Variants in GALNT18 observed in about 807,000 individuals in gnomAD.
GALNT18 encodes the protein GalNAc-transferase 18.
GALNT18 carries 44 observed loss-of-function variants against 69.5 expected under a neutral mutation model. The ratio of observed to expected loss-of-function variants is 0.63; its 90% CI spans 0.50 to 0.81. GALNT18 has a LOEUF of 0.81. Ranked by LOEUF, GALNT18 falls within the 40% of genes least tolerant of loss-of-function variation. GALNT18 has a pLI of 0.00. For synonymous variants in GALNT18, 364 were observed against 318.2 expected (o/e 1.14, Z -1.53); for missense variants, 715 against 810.0 (o/e 0.88, Z 1.42).
At chr11:11,346,796 A>T (rs1252252111) in intron 6 of GALNT18, among the ~76,000 whole-genome samples, 3 of 152,196 alleles carry the variant, frequency 2.0e-5, no homozygotes. Flanking sequence ...TAGTACTGTT[A>T]TCGCTTCTGA....
chr11:11,379,105 G>T lies in GALNT18; in HGVS notation c.755C>A (p.Ala252Asp), dbSNP rs375573422. 8.7e-6 allele frequency: 14 copies of T among 1,607,876 alleles called. No individual in the cohort carries two copies. Among genetic ancestry groups the T allele is most frequent in the Non-Finnish European group, 1.2e-5 (14 of 1,179,308 alleles). Residue 252 changes from alanine (A) to aspartate (D), a missense_variant, in exon 4 of 11, where the codon GCC becomes GAC. By Grantham distance (126) the Ala-to-Asp change is moderately radical (BLOSUM62 -2). Coordinates refer to ENST00000227756, the MANE Select transcript of GALNT18 (RefSeq NM_198516.3). The part of the protein sequence containing the change: ...ATAPVVALFD[A>D]HVEFNVGWAE... ...CCAGCCCACATTGAACTCCACGTGG[G>T]CATCAAAGAGTGCCACCACAGGGGC...
chr11:11,328,113 G>A (rs1849956808), intron 8 of GALNT18, among the ~76,000 whole-genome samples: 1 of 152,186 alleles, frequency 6.6e-6, no homozygotes. Context: ...TGCAAGCAGA[G>A]AAAGTCAGTT....
At position 11,606,278 on chromosome 11, in the gene GALNT18, C is replaced by T. The variant is rs1196521008; in HGVS notation, c.235+15081G>A. Among the ~76,000 whole-genome samples the T allele has an allele frequency of 2.0e-5, 3 of 152,116 alleles. No homozygotes were observed. Among genetic ancestry groups the T allele is most frequent in the South Asian group, 4.2e-4 (2 of 4,818 alleles). On this transcript the variant is annotated intron_variant, in intron 1 of 10. Transcript: ENST00000227756. The surrounding 1 kb of genome is among the most constrained non-coding windows in gnomAD (Gnocchi z 5.4). ...TGACAAACTGGAAAACAGGAAAAACCGGACCCAGTCTCCACCTTTAAGTAA... is the reference window on the plus strand; with the variant it reads ...TGACAAACTGGAAAACAGGAAAAACTGGACCCAGTCTCCACCTTTAAGTAA...
Position 11,315,506 on chromosome 11 carries a change from G to C in GALNT18, c.1512+11580C>G, listed in dbSNP as rs11021799. Among the ~76,000 whole-genome samples the C allele has an allele frequency of 0.045, 6,919 of 152,250 alleles. 243 individuals are homozygous for C. The highest frequency in any genetic ancestry group is 0.17 in the East Asian group (872 of 5,156). On this transcript the variant is annotated intron_variant, in intron 9 of 10. Coordinates refer to ENST00000227756, the MANE Select transcript of GALNT18 (RefSeq NM_198516.3). This position sits in a 1 kb window ranked among gnomAD's most constrained non-coding sequence, Gnocchi z 5.6. ...GAGCCACCCCAGCCCAGAGACTCTG[G>C]AGTGGGGATAACCGCAGGTTTTCAG...
intron 1 of GALNT18, among the ~76,000 whole-genome samples, chr11:11,490,576 G>A (rs1856747017): frequency 1.3e-5 from 2 of 152,216 alleles, no homozygotes; most frequent in Non-Finnish European, 1.5e-5. Context: ...GAGGCTCAGT[G>A]ATAGAGCACT....
At chr11:11,271,878 A>G (rs771071389) in intron 10 of GALNT18, among the ~76,000 whole-genome samples, 8 of 152,216 alleles carry the variant, frequency 5.3e-5, no homozygotes, top group Non-Finnish European at 1.0e-4. Context: ...TTTATGACCC[A>G]AAGCCCCTTG....
rs370421402 is a variant in GALNT18 at position 11,271,177 on chromosome 11, G to A, written c.1791C>T (p.Ser597=). ...CGAGGCTCCTCAGGACGTTGGTGAT[G>A]CTCCAGTGCTGGCCCGAGCACTTCT... ...VLQKCSGQHW[S]ITNVLRSLAS The change falls in exon 11 of 11, where the codon AGC becomes AGT. Residue 597 remains serine (S), a synonymous_variant. Coordinates refer to ENST00000227756, the MANE Select transcript of GALNT18 (RefSeq NM_198516.3). 2 of 1,613,874 alleles carry A rather than the reference G, an allele frequency of 1.2e-6. No homozygotes were observed. Among genetic ancestry groups the A allele is most frequent in the African/African-American group, 1.3e-5 (1 of 75,042 alleles).
At chr11:11,293,438 T>C (rs1193580595) in intron 9 of GALNT18, among the ~76,000 whole-genome samples, 2 of 152,084 alleles carry the variant, frequency 1.3e-5, no homozygotes, top group Non-Finnish European at 2.9e-5. Flanking sequence ...CACCCTTACA[T>C]ATGTAATATA....
chr11:11,303,940 C>G (rs141683812), intron 9 of GALNT18, among the ~76,000 whole-genome samples: 170 of 152,356 alleles, frequency 1.1e-3, no homozygotes, highest in African/African-American at 3.9e-3. Flanking sequence ...GGAGGGGCTG[C>G]CTGGCTGACA....
chr11:11,520,742 C>A (rs1857377566), intron 1 of GALNT18, among the ~76,000 whole-genome samples: 1 of 152,192 alleles, frequency 6.6e-6, no homozygotes, highest in African/African-American at 2.4e-5. Flanking sequence ...GGGTGGCCTG[C>A]ACAGCTGTCA....
intron 2 of GALNT18, among the ~76,000 whole-genome samples, chr11:11,442,938 G>A (rs1019303010): frequency 6.6e-6 from 1 of 152,226 alleles, no homozygotes; most frequent in African/African-American, 2.4e-5. Context: ...AGAGGCAGGA[G>A]GCAGTGCGTG....
Position 11,621,821 on chromosome 11 carries a change from A to AT in GALNT18, c.-229dup, listed in dbSNP as rs934498946. 1.7e-4 allele frequency: 98 copies of AT among 565,992 alleles called. 1 individual carries two copies. The highest frequency in any genetic ancestry group is 8.8e-4 in the South Asian group (40 of 45,282). The allele number at this position is 565,992 out of a possible 1,614,324, so 35.1% of individuals were successfully genotyped here. The stretch of plus-strand genomic sequence containing the variant: ...GACCTTGACAAAGGAAACCAGGTGG[A>AT]TTTTTTTCCAAATTAAAAATCCCTG... On this transcript the variant is annotated 5_prime_UTR_variant, in exon 1 of 11. Transcript: ENST00000227756. The surrounding 1 kb of genome is among the most constrained non-coding windows in gnomAD (Gnocchi z 9.3).
intron 10 of GALNT18, among the ~76,000 whole-genome samples, chr11:11,273,206 TC>T (rs78517984): frequency 0.13 from 19,318 of 151,726 alleles, 1,783 homozygotes; most frequent in Admixed American, 0.29. Flanking sequence ...ACAAATAGGA[TC>T]ACATCAAGTT....
At chr11:11,411,044 G>A (rs1403270525) in intron 3 of GALNT18, among the ~76,000 whole-genome samples, 1 of 152,206 alleles carries the variant, frequency 6.6e-6, no homozygotes, top group Non-Finnish European at 1.5e-5. Context: ...TGGGTGCAGT[G>A]GCTCATGCCT....
rs1466205577 is a variant in GALNT18 at position 11,439,383 on chromosome 11, A to C, written c.429-6596T>G. 1.3e-5 allele frequency among the ~76,000 whole-genome samples: 2 copies of C among 152,148 alleles called. No individual in the cohort carries two copies. The highest frequency in any genetic ancestry group is 4.8e-5 in the African/African-American group (2 of 41,442). ...GTGGGCCTTCATCAGCCTTCAAAAA[A>C]TCCCAACCACCTGTGGTCACCTGCA... On this transcript the variant is annotated intron_variant, in intron 2 of 10. Coordinates refer to ENST00000227756, the MANE Select transcript of GALNT18 (RefSeq NM_198516.3). This position sits in a 1 kb window ranked among gnomAD's most constrained non-coding sequence, Gnocchi z 4.4.
intron 1 of GALNT18, among the ~76,000 whole-genome samples, chr11:11,599,656 C>G (rs1005950031): frequency 6.6e-6 from 1 of 151,388 alleles, no homozygotes; most frequent in Non-Finnish European, 1.5e-5. Context: ...TTTTCTATAT[C>G]TCATATATTT....
chr11:11,376,363 C>T (rs530166875), intron 5 of GALNT18, among the ~76,000 whole-genome samples: 5 of 152,172 alleles, frequency 3.3e-5, no homozygotes, highest in Non-Finnish European at 7.3e-5. Context: ...GCCTGGGTGA[C>T]AGAGTGAGAC....
chr11:11,575,482 G>A (rs1424505521), intron 1 of GALNT18, among the ~76,000 whole-genome samples: 1 of 152,236 alleles, frequency 6.6e-6, no homozygotes, highest in East Asian at 1.9e-4. Flanking sequence ...GGGTAGGCAA[G>A]GAGGCTGGAT....
In GALNT18 at chr11:11,280,153, G is replaced by C. The variant is rs117832146; in HGVS notation, c.1678-8863C>G. Among the ~76,000 whole-genome samples, 11 of 152,218 alleles carry C rather than the reference G, an allele frequency of 7.2e-5. No individual in the cohort carries two copies. In the East Asian group the frequency reaches 9.7e-4, roughly 13 times the overall value. On this transcript the variant is annotated intron_variant, in intron 10 of 10. Transcript: ENST00000227756. ...CCACACCCCAGGGCACCCCCCGCCCGGGGAGTGCAGTGATTCAGTGTACTC... is the reference window on the plus strand; with the variant it reads ...CCACACCCCAGGGCACCCCCCGCCCCGGGAGTGCAGTGATTCAGTGTACTC...
Sources: allele counts gnomAD v4.1 joint callset (sites outside exome capture counted in the v4.1 genomes callset), GRCh38; gene constraint gnomAD v4.1.1; non-coding constraint Gnocchi (gnomAD v3.1); transcripts MANE v1.5; gene names NCBI Gene and HGNC (gene_info 2026-07-23, HGNC 2026-07-21).